The following KLF8 variants were observed in gnomAD, a reference collection of about 807,000 sequenced individuals.
KLF8 encodes the protein Krueppel-like factor 8.
Under a neutral mutation model 18.2 loss-of-function variants are expected in KLF8, and 10 were observed. The observed-to-expected ratio is 0.55, with a 90% CI of 0.34 to 0.93. KLF8 has a LOEUF of 0.93. Ranked by LOEUF, KLF8 falls within the 40% of genes least tolerant of loss-of-function variation. The pLI, the probability that KLF8 is intolerant of heterozygous loss-of-function variation, is 0.02. For synonymous variants in KLF8, 109 were observed against 97.3 expected (o/e 1.12, Z -0.71); for missense variants, 264 against 277.9 (o/e 0.95, Z 0.36).
the KLF8 span, among the ~76,000 whole-genome samples, chrX:56,194,624 G>A: frequency 8.9e-6 from 1 of 112,538 alleles, no homozygotes; most frequent in East Asian, 2.8e-4. Flanking sequence ...CACCTCTGTG[G>A]GCAGGACATA....
the KLF8 span, among the ~76,000 whole-genome samples, chrX:56,093,962 C>A: frequency 8.4e-5 from 8 of 95,693 alleles, no homozygotes; most frequent in Admixed American, 2.4e-4. Context: ...TGAGAGAGAA[C>A]CGAATGCTAA....
At chrX:56,120,952 C>A in the KLF8 span, among the ~76,000 whole-genome samples, 3 of 110,810 alleles carry the variant, frequency 2.7e-5, no homozygotes, top group African/African-American at 9.8e-5. Flanking sequence ...TTTTGGAGGC[C>A]AAGGTGGGCA....
chrX:56,285,603 A>G lies in KLF8; in HGVS notation c.*1109A>G, dbSNP rs957848064. On this transcript the variant is annotated 3_prime_UTR_variant, in exon 6 of 6. Coordinates refer to ENST00000468660, the MANE Select transcript of KLF8 (RefSeq NM_007250.5). Reference sequence around the variant, plus strand: ...TCACTCCATGGAATTATTGGCATTCATTCCTGTGTTTCAAATGAAACATAG... The same window carrying G: ...TCACTCCATGGAATTATTGGCATTCGTTCCTGTGTTTCAAATGAAACATAG... 1 of 112,211 alleles carries G rather than the reference A, an allele frequency of 8.9e-6. No individual in the cohort carries two copies. Among genetic ancestry groups the G allele is most frequent in the African/African-American group, 3.2e-5 (1 of 30,854 alleles). The allele number at this position is 112,211 out of a possible 1,213,427, so 9.2% of individuals were successfully genotyped here.
the KLF8 span, among the ~76,000 whole-genome samples, chrX:56,066,374 C>G: frequency 8.9e-6 from 1 of 112,189 alleles, no homozygotes; most frequent in African/African-American, 3.2e-5. Context: ...TCTCAGGCCC[C>G]TCAGTGGTTC....
chrX:55,964,978 A>T, the KLF8 span, among the ~76,000 whole-genome samples: 3 of 111,807 alleles, frequency 2.7e-5, no homozygotes, highest in African/African-American at 6.5e-5. Context: ...TACCAGACAT[A>T]TTTAAAAGAC....
At chrX:56,001,506 A>G in the KLF8 span, among the ~76,000 whole-genome samples, 3 of 111,918 alleles carry the variant, frequency 2.7e-5, no homozygotes, top group Non-Finnish European at 5.6e-5. Context: ...CTCTATCTGT[A>G]TGTAATGTTT....
At chrX:56,239,832 G>T (rs1208541018) in intron 1 of KLF8, among the ~76,000 whole-genome samples, 1 of 111,486 alleles carries the variant, frequency 9.0e-6, no homozygotes, top group Non-Finnish European at 1.9e-5. Flanking sequence ...TAAAAAAATT[G>T]GTTATTTCTC....
chrX:56,015,326 A>G, the KLF8 span, among the ~76,000 whole-genome samples: 1 of 111,465 alleles, frequency 9.0e-6, no homozygotes, highest in Non-Finnish European at 1.9e-5. Context: ...ACTAGCTTTC[A>G]TTCCCATCAG....
chrX:56,107,150 C>T, the KLF8 span, among the ~76,000 whole-genome samples: 5 of 111,957 alleles, frequency 4.5e-5, no homozygotes, highest in East Asian at 1.4e-3. Context: ...TGGGAGGTGT[C>T]TCCCAGTTAG....
At chrX:56,107,467 G>A in the KLF8 span, among the ~76,000 whole-genome samples, 1 of 111,514 alleles carries the variant, frequency 9.0e-6, no homozygotes, top group Non-Finnish European at 1.9e-5. Flanking sequence ...CTTGCTGGTC[G>A]ATCTCAGAGT....
At chrX:56,026,422 C>T in the KLF8 span, among the ~76,000 whole-genome samples, 1 of 111,734 alleles carries the variant, frequency 8.9e-6, no homozygotes, top group Admixed American at 9.5e-5. Context: ...CCCGGAAGTC[C>T]TCGCAGTATA....
chrX:56,032,416 C>T, the KLF8 span, among the ~76,000 whole-genome samples: 2 of 111,494 alleles, frequency 1.8e-5, no homozygotes, highest in African/African-American at 6.5e-5. Flanking sequence ...CATTCTGTAA[C>T]CACCACTATA....
the KLF8 span, among the ~76,000 whole-genome samples, chrX:55,931,580 G>A: frequency 0.011 from 1,224 of 111,313 alleles, 10 homozygotes; most frequent in African/African-American, 0.038. Flanking sequence ...GGCTTTGTTC[G>A]TATTAGTTTC....
At chrX:56,067,639 C>T in the KLF8 span, among the ~76,000 whole-genome samples, 1 of 111,897 alleles carries the variant, frequency 8.9e-6, no homozygotes, top group African/African-American at 3.3e-5. Flanking sequence ...CCAGGAGAAC[C>T]TCTCTAATAT....
the KLF8 span, among the ~76,000 whole-genome samples, chrX:55,920,207 C>G: frequency 9.0e-6 from 1 of 111,642 alleles, no homozygotes; most frequent in Admixed American, 9.4e-5. Context: ...AGCCCCATTC[C>G]TAGGGGAAGG....
the KLF8 span, among the ~76,000 whole-genome samples, chrX:56,100,922 T>G: frequency 7.1e-5 from 8 of 112,118 alleles, no homozygotes; most frequent in Non-Finnish European, 1.5e-4. Context: ...ATTTTTAGTA[T>G]ATTCACAATT....
chrX:56,053,909 C>G, the KLF8 span, among the ~76,000 whole-genome samples: 1 of 110,701 alleles, frequency 9.0e-6, no homozygotes, highest in Non-Finnish European at 1.9e-5. Context: ...TTTCTTCATT[C>G]TAGCTAGCTA....
At chrX:56,012,738 T>G in the KLF8 span, among the ~76,000 whole-genome samples, 644 of 111,168 alleles carry the variant, frequency 5.8e-3, 6 homozygotes, top group African/African-American at 0.02. Context: ...ATAAGCAACT[T>G]CAGTAACATT....
At chrX:56,135,861 A>G in the KLF8 span, among the ~76,000 whole-genome samples, 1 of 111,815 alleles carries the variant, frequency 8.9e-6, no homozygotes, top group African/African-American at 3.2e-5. Context: ...TGGATACAGC[A>G]GTGTTAAGAG....
Sources: allele counts gnomAD v4.1 joint callset (sites outside exome capture counted in the v4.1 genomes callset), GRCh38; gene constraint gnomAD v4.1.1; transcripts MANE v1.5; gene names NCBI Gene and HGNC (gene_info 2026-07-23, HGNC 2026-07-21).